FBLN5: variants seen among roughly 807,000 people sequenced by gnomAD.
The protein encoded by FBLN5 is fibulin 5.
Under a neutral mutation model 61.6 loss-of-function variants are expected in FBLN5, and 24 were observed. That is an observed-to-expected ratio of 0.39 (90% CI 0.28 to 0.55). The LOEUF is 0.55. Ranked by LOEUF, FBLN5 falls within the 20% of genes least tolerant of loss-of-function variation. The pLI is 0.65. For missense variants in FBLN5, 470 were observed against 594.1 expected (o/e 0.79, Z 2.17); for synonymous variants, 213 against 219.8 (o/e 0.97, Z 0.27).
At chr14:91,902,836 G>A (rs1299139613) in intron 4 of FBLN5, among the ~76,000 whole-genome samples, 1 of 152,138 alleles carries the variant, frequency 6.6e-6, no homozygotes, top group South Asian at 2.1e-4. Context: ...GAGTCTAAGA[G>A]GGAATTTAAG....
intron 7 of FBLN5, 125 bp downstream of exon 7, chr14:91,887,068 G>A: frequency 9.6e-7 from 1 of 1,039,822 alleles, no homozygotes. Context: ...CTGCCCTGGA[G>A]GATGTCCCAA....
chr14:91,882,898 TG>T lies in FBLN5; in HGVS notation c.862+55del. 1.2e-6 allele frequency: 2 copies of T among 1,602,520 alleles called. No individual in the cohort carries two copies. Among genetic ancestry groups the T allele is most frequent in the Non-Finnish European group, 1.7e-6 (2 of 1,172,484 alleles). ...AGGTGAGGATATCCAGATGAGCCCCTGAAGCAGCTCCACCTCACACATACAC... is the reference window on the plus strand; with the variant it reads ...AGGTGAGGATATCCAGATGAGCCCCTAAGCAGCTCCACCTCACACATACAC... On this transcript the variant is annotated intron_variant, in intron 8 of 10. Transcript: ENST00000342058. This position sits in a 1 kb window ranked among gnomAD's most constrained non-coding sequence, Gnocchi z 4.9.
Position 91,913,208 on chromosome 14 carries a change from G to A in FBLN5, c.380-18136C>T, listed in dbSNP as rs575933870. 7.9e-5 allele frequency among the ~76,000 whole-genome samples: 12 copies of A among 152,110 alleles called. No individual in the cohort carries two copies. The East Asian group carries it at 1.9e-3, about 24-fold the overall frequency. On this transcript the variant is annotated intron_variant, in intron 4 of 10. Transcript: ENST00000342058. ...GTACAGAACAAAAAATACACATCAC[G>A]AACCCAACCAGCCCCTCCACTAACT...
intron 7 of FBLN5, among the ~76,000 whole-genome samples, chr14:91,884,599 G>C (rs1235262785): frequency 6.6e-6 from 1 of 152,220 alleles, no homozygotes; most frequent in Non-Finnish European, 1.5e-5. Flanking sequence ...ACTTGACCAA[G>C]TTCACAGATA....
Position 91,947,024 on chromosome 14 carries a change from G to C in FBLN5, c.17+189C>G. 1 of 1,523,190 alleles carries C rather than the reference G, an allele frequency of 6.6e-7. No homozygotes were observed. Among genetic ancestry groups the C allele is most frequent in the Non-Finnish European group, 8.8e-7 (1 of 1,136,596 alleles). The allele number at this position is 1,523,190 out of a possible 1,614,324, so 94.4% of individuals were successfully genotyped here. ...TATTAGAAAATACCCACTCCCAAAA[G>C]AACGCTTCAAGATGGAAATTACAGA... On this transcript the variant is annotated intron_variant, in intron 1 of 10. Coordinates refer to ENST00000342058, the MANE Select transcript of FBLN5 (RefSeq NM_006329.4). The surrounding 1 kb of genome is among the most constrained non-coding windows in gnomAD (Gnocchi z 4.3).
rs1338525359 is a variant in FBLN5 at position 91,887,397 on chromosome 14, T to C, written c.620-85A>G. The stretch of plus-strand genomic sequence containing the variant: ...GGCAGAAAAAGCACCAGCAACGAAA[T>C]CTACCACCACCAGGAGACCAGAGTC... On this transcript the variant is annotated intron_variant, in intron 6 of 10. Transcript: ENST00000342058. 2.1e-6 allele frequency: 3 copies of C among 1,398,134 alleles called. No homozygotes were observed. The African/African-American group carries it at 4.3e-5, about 20-fold the overall frequency. The allele number at this position is 1,398,134 out of a possible 1,614,324, so 86.6% of individuals were successfully genotyped here.
chr14:91,928,519 C>G (rs2055867610), intron 4 of FBLN5, among the ~76,000 whole-genome samples: 1 of 152,208 alleles, frequency 6.6e-6, no homozygotes, highest in Non-Finnish European at 1.5e-5. Flanking sequence ...CACCTGTAAT[C>G]CCAGCACTTT....
At chr14:91,926,162 C>T (rs999797821) in intron 4 of FBLN5, among the ~76,000 whole-genome samples, 4 of 152,186 alleles carry the variant, frequency 2.6e-5, no homozygotes, top group Admixed American at 2.0e-4. Context: ...CCACCCACTT[C>T]CCTGAACCCC....
At chr14:91,917,861 A>T (rs1366431913) in intron 4 of FBLN5, among the ~76,000 whole-genome samples, 2 of 152,186 alleles carry the variant, frequency 1.3e-5, no homozygotes, top group East Asian at 3.8e-4. Flanking sequence ...GTTCCTAGAA[A>T]TCTCTGCAGA....
intron 4 of FBLN5, among the ~76,000 whole-genome samples, chr14:91,904,729 G>A (rs1319882767): frequency 6.6e-6 from 1 of 152,226 alleles, no homozygotes; most frequent in East Asian, 1.9e-4. Flanking sequence ...CTCCACCCCT[G>A]TGACCTCATC....
rs755330702 is a variant in FBLN5 at position 91,870,252 on chromosome 14, C to T, written c.1319G>A (p.Arg440Gln). The T allele has an allele frequency of 1.2e-5, 20 of 1,614,110 alleles. No individual in the cohort carries two copies. The highest frequency in any genetic ancestry group is 3.3e-5 in the Admixed American group (2 of 60,006). ...NFRGSSVIRL[R>Q]IYVSQYPF ...GAATGGGTACTGCGACACATATATC[C>T]GCAGTCGGATCACGGAGCTGCCTCT... Residue 440 changes from arginine to glutamine, a missense_variant, in exon 11 of 11, where the codon CGG becomes CAG. By Grantham distance (43) the Arg-to-Gln change is conservative (BLOSUM62 1). Transcript: ENST00000342058.
At chr14:91,880,026 C>T (rs1290887119) in intron 9 of FBLN5, among the ~76,000 whole-genome samples, 2 of 152,244 alleles carry the variant, frequency 1.3e-5, no homozygotes, top group Non-Finnish European at 2.9e-5. Context: ...CACTGTCCTA[C>T]TGCATTCACC....
In FBLN5 at chr14:91,877,626, A is replaced by G. The variant is rs1889233101; in HGVS notation, c.1046T>C (p.Leu349Ser). 6.2e-7 allele frequency: 1 copy of G among 1,614,196 alleles called. No individual in the cohort carries two copies. The highest frequency in any genetic ancestry group is 8.5e-7 in the Non-Finnish European group (1 of 1,180,022). The change falls in exon 10 of 11, where the codon TTG becomes TCG. Residue 349 changes from leucine to serine, a missense_variant. Coordinates refer to ENST00000342058, the MANE Select transcript of FBLN5 (RefSeq NM_006329.4). The stretch of plus-strand genomic sequence containing the variant: ...TGACACCACGTCCATGTCCCGGTAC[A>G]AGATGGTAAAGGGCTGGTCTCTGCA... ...PGCRDQPFTILYRDMDVVSGR... is the reference protein window; with the variant it reads ...PGCRDQPFTISYRDMDVVSGR...
chr14:91,891,248 G>A lies in FBLN5; in HGVS notation c.592C>T (p.Leu198Phe). 2 of 1,611,748 alleles carry A rather than the reference G, an allele frequency of 1.2e-6. No homozygotes were observed. The highest frequency in any genetic ancestry group is 8.5e-7 in the Non-Finnish European group (1 of 1,177,816). ...YSCTCNPGFTLNEDGRSCQDV... is the reference protein window; with the variant it reads ...YSCTCNPGFTFNEDGRSCQDV... Reference sequence around the variant, plus strand: ...TGGCAAGACCTTCCATCCTCATTGAGGGTAAAACCAGGGTTGCATGTACAA... The same window carrying A: ...TGGCAAGACCTTCCATCCTCATTGAAGGTAAAACCAGGGTTGCATGTACAA... Residue 198 changes from leucine to phenylalanine, a missense_variant, in exon 6 of 11, where the codon CTC (leucine) becomes TTC (phenylalanine). By Grantham distance (22) the Leu-to-Phe change is conservative (BLOSUM62 0). Transcript: ENST00000342058.
intron 7 of FBLN5, among the ~76,000 whole-genome samples, 198 bp from the exon 8 acceptor site, chr14:91,883,274 C>T (rs547359375): frequency 2.0e-5 from 3 of 152,352 alleles, no homozygotes; most frequent in South Asian, 4.1e-4. Context: ...GATATTTGTA[C>T]AGCTCTAATT....
At chr14:91,871,226 A>AAG (rs2139938718) in intron 10 of FBLN5, among the ~76,000 whole-genome samples, 1 of 151,812 alleles carries the variant, frequency 6.6e-6, no homozygotes, top group East Asian at 1.9e-4. Flanking sequence ...TAATTTAAAA[A>AAG]AAAAAAAAAA....
rs1255523380 is a variant in FBLN5, at chr14:91,887,323, C to T, written c.620-11G>A. ...CACACTCGTTCACATCTGTGGAAAG[C>T]CAAGGCACATTGCTGACTGTCCTCC... On this transcript the variant is annotated splice_polypyrimidine_tract_variant and intron_variant, in intron 6 of 10. Transcript: ENST00000342058. 2 of 1,612,140 alleles carry T rather than the reference C, an allele frequency of 1.2e-6. No homozygotes were observed. The highest frequency in any genetic ancestry group is 1.1e-5 in the South Asian group (1 of 91,030).
At chr14:91,886,293 C>CA (rs1211394553) in intron 7 of FBLN5, among the ~76,000 whole-genome samples, 2 of 152,010 alleles carry the variant, frequency 1.3e-5, no homozygotes, top group African/African-American at 2.4e-5. Flanking sequence ...CTAACCTTTA[C>CA]AAAAAACAAG....
At chr14:91,946,423 A>G (rs1253026730) in intron 1 of FBLN5, among the ~76,000 whole-genome samples, 1 of 152,154 alleles carries the variant, frequency 6.6e-6, no homozygotes, top group Non-Finnish European at 1.5e-5. Flanking sequence ...CCTGAAACAC[A>G]AGGAAAGCCG....
Sources: allele counts gnomAD v4.1 joint callset (sites outside exome capture counted in the v4.1 genomes callset), GRCh38; gene constraint gnomAD v4.1.1; non-coding constraint Gnocchi (gnomAD v3.1); transcripts MANE v1.5; gene names NCBI Gene and HGNC (gene_info 2026-07-23, HGNC 2026-07-21).